Variants in FOXP2 observed in about 807,000 individuals in gnomAD.
The protein encoded by FOXP2 is forkhead box protein P2.
In FOXP2, 12 loss-of-function variants were observed where a neutral mutation model predicts 115.8. The ratio of observed to expected loss-of-function variants is 0.10; its 90% confidence interval spans 0.07 to 0.17. The LOEUF is 0.17. Ranked by LOEUF, FOXP2 falls within the 10% of genes least tolerant of loss-of-function variation. The pLI, the probability that FOXP2 is intolerant of heterozygous loss-of-function variation, is 1.00. For missense variants in FOXP2, 629 were observed against 843.5 expected, an observed-to-expected ratio of 0.75 and a Z score of 3.15; for synonymous variants, 328 against 297.7, an observed-to-expected ratio of 1.10 and a Z score of -1.05.
At chr7:114,236,164 T>G (rs116723621) in intron 1 of FOXP2, among the ~76,000 whole-genome samples, 1 of 152,306 alleles carries the variant, frequency 6.6e-6, no homozygotes, top group African/African-American at 2.4e-5. Context: ...GGATAAGAAA[T>G]ATGAATATGG....
chr7:114,196,901 C>A (rs1181987477), intron 1 of FOXP2, among the ~76,000 whole-genome samples: 1 of 152,018 alleles, frequency 6.6e-6, no homozygotes, highest in Non-Finnish European at 1.5e-5. Context: ...CAGTAACACC[C>A]CAAATTTGGG....
chr7:114,516,953 A>G (rs1584838125), intron 2 of FOXP2, among the ~76,000 whole-genome samples: 1 of 151,678 alleles, frequency 6.6e-6, no homozygotes, highest in African/African-American at 2.4e-5. Context: ...CTCAGCCTCC[A>G]AAAGTGCTGG....
chr7:114,612,424 T>TAC (rs548562761), intron 3 of FOXP2, among the ~76,000 whole-genome samples: 78 of 148,772 alleles, frequency 5.2e-4, no homozygotes, highest in South Asian at 2.9e-3. Flanking sequence ...GGATTTTTAA[T>TAC]ACACACACAC....
intron 2 of FOXP2, among the ~76,000 whole-genome samples, chr7:114,312,828 G>A (rs898457246): frequency 6.6e-6 from 1 of 152,254 alleles, no homozygotes; most frequent in East Asian, 1.9e-4. Context: ...TTGTCTTGGC[G>A]GGAAACATTA....
In FOXP2 at chr7:114,691,995, G is replaced by A. The variant is rs765617972; in HGVS notation, c.*2069G>A. 5 of 446,236 alleles carry A rather than the reference G, an allele frequency of 1.1e-5. No individual in the cohort carries two copies. The highest frequency in any genetic ancestry group is 2.4e-5 in the Admixed American group (1 of 40,960). 27.6% of individuals were successfully genotyped at this position (446,236 alleles called of 1,614,324 possible). A position where few individuals can be genotyped will look rare whatever the true frequency, so the allele number is the denominator to read the frequency against. On this transcript the variant is annotated 3_prime_UTR_variant, in exon 17 of 17. Transcript: ENST00000350908. ...ACAATTATGGCAGATTGCATGAAAC[G>A]TGAGAACGTCACAGTAACTGCTACT...
intron 1 of FOXP2, among the ~76,000 whole-genome samples, chr7:114,188,044 T>C (rs536463842): frequency 2.6e-5 from 4 of 152,278 alleles, no homozygotes; most frequent in African/African-American, 9.6e-5. Flanking sequence ...AGTTTTGGAA[T>C]GGACAACATG....
At chr7:114,319,695 T>C (rs1584633340) in intron 2 of FOXP2, among the ~76,000 whole-genome samples, 2 of 152,162 alleles carry the variant, frequency 1.3e-5, no homozygotes, top group African/African-American at 4.8e-5. Flanking sequence ...ATGGGAATTA[T>C]GGGAACTACA....
At chr7:114,386,144 C>A (rs534008818) in intron 2 of FOXP2, among the ~76,000 whole-genome samples, 1 of 152,122 alleles carries the variant, frequency 6.6e-6, no homozygotes, top group African/African-American at 2.4e-5. Context: ...TGGGAGTCGG[C>A]GGTGGGTCTG....
At chr7:114,308,985 T>C (rs1468694396) in intron 2 of FOXP2, among the ~76,000 whole-genome samples, 1 of 152,170 alleles carries the variant, frequency 6.6e-6, no homozygotes, top group Admixed American at 6.5e-5. Flanking sequence ...TCTCCATGAT[T>C]TTCTCAAATT....
chr7:114,507,370 G>T (rs755492015), intron 2 of FOXP2, among the ~76,000 whole-genome samples: 1 of 151,794 alleles, frequency 6.6e-6, no homozygotes, highest in Non-Finnish European at 1.5e-5. Context: ...ATTCATAATT[G>T]TGATGATGTG....
At chr7:114,674,404 C>A (rs1032545100) in intron 16 of FOXP2, among the ~76,000 whole-genome samples, 1 of 152,104 alleles carries the variant, frequency 6.6e-6, no homozygotes, top group Admixed American at 6.5e-5. Context: ...TTGCACATTT[C>A]TTTAAGAAGG....
intron 2 of FOXP2, among the ~76,000 whole-genome samples, chr7:114,492,862 G>A (rs1797130548): frequency 6.6e-6 from 1 of 152,172 alleles, no homozygotes; most frequent in African/African-American, 2.4e-5. Flanking sequence ...TAGGTGTGGT[G>A]TGGTGCTGAA....
chr7:114,227,984 CT>C (rs1794783772), intron 1 of FOXP2, among the ~76,000 whole-genome samples: 1 of 151,992 alleles, frequency 6.6e-6, no homozygotes, highest in African/African-American at 2.4e-5. Flanking sequence ...GAATTAAACA[CT>C]TTAGATAATA....
At chr7:114,301,747 A>G (rs1796884148) in intron 2 of FOXP2, among the ~76,000 whole-genome samples, 1 of 152,160 alleles carries the variant, frequency 6.6e-6, no homozygotes, top group Non-Finnish European at 1.5e-5. Flanking sequence ...CATAACTTGG[A>G]GGAATCCTCT....
chr7:114,214,535 T>C (rs963102453), intron 1 of FOXP2, among the ~76,000 whole-genome samples: 1 of 152,192 alleles, frequency 6.6e-6, no homozygotes, highest in African/African-American at 2.4e-5. Flanking sequence ...CCATGGCTAC[T>C]GAAGTTCAGA....
At chr7:114,163,786 A>G (rs1287461671) in intron 1 of FOXP2, among the ~76,000 whole-genome samples, 1 of 152,176 alleles carries the variant, frequency 6.6e-6, no homozygotes, top group Non-Finnish European at 1.5e-5. Flanking sequence ...CTTTGTGACG[A>G]CTTTTATCTG....
chr7:114,494,987 C>G (rs922038539), intron 2 of FOXP2, among the ~76,000 whole-genome samples: 2 of 152,292 alleles, frequency 1.3e-5, no homozygotes, highest in Admixed American at 1.3e-4. Context: ...TTTATCAACA[C>G]AGTAATGTTC....
intron 1 of FOXP2, among the ~76,000 whole-genome samples, chr7:114,172,925 A>C (rs1793185388): frequency 1.3e-5 from 2 of 152,110 alleles, no homozygotes; most frequent in Non-Finnish European, 2.9e-5. Context: ...TTATTTCAGG[A>C]AAGTGCTAAT....
chr7:114,123,219 G>A (rs10953754), intron 1 of FOXP2, among the ~76,000 whole-genome samples: 76,114 of 151,366 alleles, frequency 0.5, 20,963 homozygotes, highest in South Asian at 0.61. Flanking sequence ...GTCAGGCATG[G>A]TGTTGCCTAC....
Sources: allele counts gnomAD v4.1 joint callset (sites outside exome capture counted in the v4.1 genomes callset), GRCh38; gene constraint gnomAD v4.1.1; transcripts MANE v1.5; gene names NCBI Gene and HGNC (gene_info 2026-07-23, HGNC 2026-07-21).